Variants in QSER1 observed in about 807,000 individuals in gnomAD.
The protein encoded by QSER1 is glutamine and serine rich 1.
A neutral mutation model predicts 158.5 loss-of-function variants in QSER1; 49 were observed. That is an observed-to-expected ratio of 0.31 (90% CI 0.25 to 0.39). QSER1 has a LOEUF of 0.39. Among genes scored for constraint, QSER1 ranks in the 10% least tolerant of loss-of-function variants. QSER1 has a pLI of 1.00. For missense variants in QSER1, 1,754 were observed against 2,010.3 expected (o/e 0.87, Z 2.44); for synonymous variants, 650 against 715.5 (o/e 0.91, Z 1.46).
chr11:32,949,046 A>G (rs1184654026), intron 4 of QSER1, among the ~76,000 whole-genome samples: 7 of 152,132 alleles, frequency 4.6e-5, no homozygotes, highest in Non-Finnish European at 5.9e-5. Flanking sequence ...CCCTCCTGAC[A>G]TAAATGTTAT....
intron 8 of QSER1, among the ~76,000 whole-genome samples, chr11:32,964,318 A>G (rs1303875123): frequency 6.6e-6 from 1 of 151,996 alleles, no homozygotes; most frequent in African/African-American, 2.4e-5. Context: ...CTCCAAATAC[A>G]TGGTAGTGAG....
At chr11:32,961,216 C>T (rs1852617699) in intron 8 of QSER1, among the ~76,000 whole-genome samples, 1 of 152,032 alleles carries the variant, frequency 6.6e-6, no homozygotes, top group Non-Finnish European at 1.5e-5. Context: ...GGAAATACTC[C>T]TCCTGTATGT....
intron 4 of QSER1, among the ~76,000 whole-genome samples, chr11:32,951,663 C>A (rs1308394977): frequency 6.6e-6 from 1 of 151,940 alleles, no homozygotes; most frequent in Non-Finnish European, 1.5e-5. Flanking sequence ...TAAATTTATT[C>A]CTAAATATTA....
Position 32,935,438 on chromosome 11 carries a change from A to G in QSER1, c.4177+3A>G, listed in dbSNP as rs909587821. On this transcript the variant is annotated splice_donor_region_variant and intron_variant, in intron 4 of 12. Transcript: ENST00000650167. ...TTCTGATAAAAAGAAGAAAACAGGT[A>G]AAGTTTTACAATTTAGATTCATAAT... The G allele has an allele frequency of 4.7e-6, 7 of 1,476,222 alleles. No homozygotes were observed. Among genetic ancestry groups the G allele is most frequent in the South Asian group, 2.8e-5 (2 of 71,022 alleles). 91.4% of individuals were successfully genotyped at this position (1,476,222 alleles called of 1,614,324 possible).
chr11:32,973,524 C>G lies in QSER1; in HGVS notation c.5333C>G (p.Ser1778Cys), dbSNP rs199600834. ...TATAATAAGAAAACTCTAAGGACTT[C>G]TAAAACAACCACCAAATCTGCACAA... ...KAYNKKTLRT[S>C]KTTTKSAQEF... Residue 1778 changes from serine (S) to cysteine (C), a missense_variant, in exon 11 of 13, where the codon TCT (serine) becomes TGT (cysteine). Coordinates refer to ENST00000650167, the MANE Select transcript of QSER1 (RefSeq NM_001076786.3). The G allele has an allele frequency of 7.5e-6, 12 of 1,609,494 alleles. No homozygotes were observed. The East Asian group carries it at 2.2e-4, about 30-fold the overall frequency.
chr11:32,897,175 T>C (rs1851565956), intron 1 of QSER1, among the ~76,000 whole-genome samples: 1 of 152,218 alleles, frequency 6.6e-6, no homozygotes, highest in Non-Finnish European at 1.5e-5. Flanking sequence ...TCCTTTGAGG[T>C]AGGCATTCTT....
Position 32,980,123 on chromosome 11 carries a change from T to A in QSER1, c.*3649T>A, listed in dbSNP as rs1006856920. ...TATTTATAAGTGACAATAATTGAAG[T>A]TAAGGATATAAAGAAACCTGCATTT... On this transcript the variant is annotated 3_prime_UTR_variant, in exon 13 of 13. Coordinates refer to ENST00000650167, the MANE Select transcript of QSER1 (RefSeq NM_001076786.3). 1 of 152,602 alleles carries A rather than the reference T, an allele frequency of 6.6e-6. No individual in the cohort carries two copies. The highest frequency in any genetic ancestry group is 6.5e-5 in the Admixed American group (1 of 15,268). The allele number at this position is 152,602 out of a possible 1,614,324, so 9.5% of individuals were successfully genotyped here.
At chr11:32,937,502 G>A (rs983022003) in intron 4 of QSER1, among the ~76,000 whole-genome samples, 4 of 152,114 alleles carry the variant, frequency 2.6e-5, no homozygotes, top group African/African-American at 9.6e-5. Flanking sequence ...TGCCCAGGCT[G>A]GTCTTGAACT....
intron 1 of QSER1, among the ~76,000 whole-genome samples, chr11:32,899,490 T>A (rs1851598458): frequency 1.3e-5 from 2 of 152,354 alleles, no homozygotes; most frequent in South Asian, 4.1e-4. Flanking sequence ...ATTAAACAAA[T>A]ATTTGAGTAC....
chr11:32,900,375 A>G (rs1395227376), intron 1 of QSER1, among the ~76,000 whole-genome samples: 2 of 152,146 alleles, frequency 1.3e-5, no homozygotes, highest in Non-Finnish European at 2.9e-5. Context: ...CCTGGCCAAC[A>G]TGGCAAAACC....
Position 32,934,958 on chromosome 11 carries a change from A to C in QSER1, c.3700A>C (p.Arg1234=). The C allele has an allele frequency of 1.9e-6, 3 of 1,614,158 alleles. No homozygotes were observed. The highest frequency in any genetic ancestry group is 2.5e-6 in the Non-Finnish European group (3 of 1,180,006). Residue 1234 remains arginine, a synonymous_variant, in exon 4 of 13, where the codon AGG becomes CGG. Coordinates refer to ENST00000650167, the MANE Select transcript of QSER1 (RefSeq NM_001076786.3). The part of the protein sequence containing the change: ...RPAQGKRQNP[R]GTDIYLPYTP... ...TGCCCAAGGCAAACGCCAGAATCCA[A>C]GGGGAACAGATATTTACTTACCGTA... is the stretch of plus-strand genomic sequence containing the variant.
At chr11:32,964,587 C>G (rs1390941982) in intron 8 of QSER1, among the ~76,000 whole-genome samples, 1 of 151,392 alleles carries the variant, frequency 6.6e-6, no homozygotes, top group African/African-American at 2.4e-5. Flanking sequence ...TACTATAGGC[C>G]AGGCACGGTG....
intron 5 of QSER1, among the ~76,000 whole-genome samples, chr11:32,954,958 T>G (rs1214532055): frequency 6.6e-6 from 1 of 152,252 alleles, no homozygotes; most frequent in Non-Finnish European, 1.5e-5. Context: ...TTTAATGTAT[T>G]TGTTTATGGT....
At chr11:32,903,603 T>G (rs1292641193) in intron 1 of QSER1, among the ~76,000 whole-genome samples, 1 of 146,550 alleles carries the variant, frequency 6.8e-6, no homozygotes, top group Non-Finnish European at 1.5e-5. Flanking sequence ...TTTTATTTGT[T>G]TGTTTGTTTG....
chr11:32,900,497 T>C (rs1851610305), intron 1 of QSER1, among the ~76,000 whole-genome samples: 2 of 150,434 alleles, frequency 1.3e-5, no homozygotes, highest in East Asian at 3.9e-4. Flanking sequence ...AGGCGGAGAC[T>C]GCAGTGAGCT....
At chr11:32,899,882 T>C (rs1013052628) in intron 1 of QSER1, among the ~76,000 whole-genome samples, 1 of 152,234 alleles carries the variant, frequency 6.6e-6, no homozygotes, top group Admixed American at 6.5e-5. Flanking sequence ...GCATCTGACA[T>C]CTTCATTTGA....
chr11:32,918,335 TATTAATGC>T (rs1851861353), intron 1 of QSER1, among the ~76,000 whole-genome samples: 1 of 152,048 alleles, frequency 6.6e-6, no homozygotes, highest in African/African-American at 2.4e-5. Flanking sequence ...GTTGAGTGTT[TATTAATGC>T]ATGGAGAAAA....
intron 2 of QSER1, among the ~76,000 whole-genome samples, 160 bp from the exon 3 acceptor site, chr11:32,927,802 T>A (rs1851993700): frequency 6.6e-6 from 1 of 152,182 alleles, no homozygotes; most frequent in Non-Finnish European, 1.5e-5. Context: ...ATAAATATGC[T>A]TGGTCAAATT....
chr11:32,927,796 A>G, intron 2 of QSER1, among the ~76,000 whole-genome samples, 166 bp from the exon 3 acceptor site: 1 of 152,210 alleles, frequency 6.6e-6, no homozygotes, highest in East Asian at 1.9e-4. Context: ...TAAATTATAA[A>G]TATGCTTGGT....
Sources: gnomAD v4.1 joint callset for allele counts (sites outside exome capture counted in the v4.1 genomes callset) on GRCh38, gnomAD v4.1.1 for gene constraint, MANE v1.5 for transcripts, NCBI Gene and HGNC (gene_info 2026-07-23, HGNC 2026-07-21) for gene names.